The following CYP4F8 variants were observed in gnomAD, a reference collection of about 807,000 sequenced individuals.
CYP4F8 encodes cytochrome P450 family 4 subfamily F member 8, also known as cytochrome P450 4F8.
CYP4F8 carries 56 observed loss-of-function variants against 55.0 expected under a neutral mutation model. That is an observed-to-expected ratio of 1.02 (90% CI 0.82 to 1.27). The LOEUF (loss-of-function observed/expected upper bound fraction) is 1.27. Ranked by LOEUF, CYP4F8 falls within the 50% of genes most tolerant of loss-of-function variation. The pLI, the probability that CYP4F8 is intolerant of heterozygous loss-of-function variation, is 0.00. For missense variants in CYP4F8, 680 were observed against 682.4 expected, an observed-to-expected ratio of 1.00 and a Z score of 0.04; for synonymous variants, 288 against 267.3, an observed-to-expected ratio of 1.08 and a Z score of -0.76.
chr19:15,630,623 A>T lies in CYP4F8; in HGVS notation c.*1265A>T, dbSNP rs1421190487. 1 of 152,142 alleles carries T rather than the reference A, an allele frequency of 6.6e-6. No individual in the cohort carries two copies. The highest frequency in any genetic ancestry group is 1.5e-5 in the Non-Finnish European group (1 of 68,034). The allele number at this position is 152,142 out of a possible 1,614,324, so 9.4% of individuals were successfully genotyped here. On this transcript the variant is annotated 3_prime_UTR_variant, in exon 13 of 13. Transcript: ENST00000612078. ...GCTATTGTGATTAGAGCTGCGATAA[A>T]CATGTGGATGCTTGTGTCTTTTTGG...
chr19:15,629,921 C>A lies in CYP4F8; in HGVS notation c.*563C>A. ...TTTTGAGACATGGTGTCTCTCGTCG[C>A]CCAGGCCGGAGTGCAGTGGCTCACT... On this transcript the variant is annotated 3_prime_UTR_variant, in exon 13 of 13. Transcript: ENST00000612078. 1 of 151,692 alleles carries A rather than the reference C, an allele frequency of 6.6e-6. No individual in the cohort carries two copies. The highest frequency in any genetic ancestry group is 1.5e-5 in the Non-Finnish European group (1 of 68,118). The allele number at this position is 151,692 out of a possible 1,614,324, so 9.4% of individuals were successfully genotyped here. A position where few individuals can be genotyped will look rare whatever the true frequency, so the allele number is the denominator to read the frequency against.
intron 5 of CYP4F8, chr19:15,621,719 C>T (rs1972196358): frequency 6.5e-6 from 1 of 152,806 alleles, no homozygotes; most frequent in African/African-American, 2.4e-5. Context: ...TGTAATATGC[C>T]TATTCCATGG....
intron 9 of CYP4F8, 62 bp downstream of exon 9, chr19:15,624,156 C>T: frequency 6.3e-7 from 1 of 1,589,704 alleles, no homozygotes; most frequent in South Asian, 1.1e-5. Flanking sequence ...GTTGGTTCTT[C>T]TCCCCAGGTG....
In CYP4F8 at chr19:15,618,123, C is replaced by T. The variant is rs373986148; in HGVS notation, c.322C>T (p.Arg108Ter). ...CAACTTGTGCCACCCTGACATCGTC[C>T]GATCTGTCATCAATACCTCAGGTAC... Reference protein sequence around the residue: ...IINLCHPDIVRSVINTSDAIT... With the variant: ...IINLCHPDIV Residue 108 changes from arginine to a stop codon, truncating the protein, a stop_gained, in exon 3 of 13, where the codon CGA becomes TGA. Coordinates refer to ENST00000612078, the MANE Select transcript of CYP4F8 (RefSeq NM_007253.4). LOFTEE classifies it high-confidence loss of function. 20 of 1,613,958 alleles carry T rather than the reference C, an allele frequency of 1.2e-5. No individual in the cohort carries two copies. The African/African-American group carries it at 1.3e-4, about 11-fold the overall frequency.
At chr19:15,626,586 T>C (rs1972264669) in intron 9 of CYP4F8, among the ~76,000 whole-genome samples, 1 of 150,124 alleles carries the variant, frequency 6.7e-6, no homozygotes, top group Admixed American at 6.7e-5. Context: ...ATTCCTAACA[T>C]ATTCAGATAT....
At chr19:15,623,591 T>A in intron 7 of CYP4F8, 108 bp from the exon 8 acceptor site, 1 of 1,357,062 alleles carries the variant, frequency 7.4e-7, no homozygotes, top group Non-Finnish European at 1.0e-6. Context: ...GGGGTAGATC[T>A]GGAGGTGACA....
rs1224554999 is a variant in CYP4F8 at position 15,628,827 on chromosome 19, T to TA, written c.1381_1382insA (p.Phe461TyrfsTer86). The TA allele has an allele frequency of 5.0e-6, 8 of 1,604,240 alleles. No individual in the cohort carries two copies. Among genetic ancestry groups the TA allele is most frequent in the Non-Finnish European group, 6.8e-6 (8 of 1,175,916 alleles). ...GAGGTCACCTATGGCTTTTATTCCTTTCTCGGCGGGGCCCAGGTGAGGCCA... is the reference window on the plus strand; with the variant it reads ...GAGGTCACCTATGGCTTTTATTCCTTATCTCGGCGGGGCCCAGGTGAGGCCA... On this transcript the variant is annotated frameshift_variant, in exon 12 of 13. Coordinates refer to ENST00000612078, the MANE Select transcript of CYP4F8 (RefSeq NM_007253.4). LOFTEE classifies it low-confidence loss of function (END_TRUNC).
chr19:15,622,454 C>A, intron 6 of CYP4F8, 114 bp downstream of exon 6: 1 of 1,383,796 alleles, frequency 7.2e-7, no homozygotes, highest in Non-Finnish European at 9.8e-7. Context: ...GAGAACTAGG[C>A]ATTGAAGGAC....
intron 5 of CYP4F8, 105 bp downstream of exon 5, chr19:15,619,867 C>G: frequency 2.9e-6 from 4 of 1,387,524 alleles, no homozygotes; most frequent in Non-Finnish European, 9.8e-7. Context: ...GGGGCCATTG[C>G]TCTTCCTCTC....
chr19:15,619,760 C>T lies in CYP4F8; in HGVS notation c.523C>T (p.His175Tyr). The change falls in exon 5 of 13, where the codon CAT becomes TAT. Residue 175 changes from histidine (H) to tyrosine (Y), a missense_variant and splice_region_variant. Transcript: ENST00000612078. ...TTTCAGCAAGAGTGCAAACATCATG[C>T]ATGTGAGTGCCTTGAACTCAGCATC... Reference protein sequence around the residue: ...KIFSKSANIMHAKWQRLAMEG... With the variant: ...KIFSKSANIMYAKWQRLAMEG... The T allele has an allele frequency of 3.7e-6, 6 of 1,613,924 alleles. No individual in the cohort carries two copies. The highest frequency in any genetic ancestry group is 5.1e-6 in the Non-Finnish European group (6 of 1,179,860).
At position 15,615,916 on chromosome 19, in the gene CYP4F8, C is replaced by T; in HGVS notation, c.198+102C>T. Reference sequence around the variant, plus strand: ...GGGTCTGGGACGGCAGAGAAACTCACTCATTCCTCTGATCACTCACTCATT... The same window carrying T: ...GGGTCTGGGACGGCAGAGAAACTCATTCATTCCTCTGATCACTCACTCATT... On this transcript the variant is annotated intron_variant, in intron 2 of 12. Transcript: ENST00000612078. 3 of 1,217,552 alleles carry T rather than the reference C, an allele frequency of 2.5e-6. No individual in the cohort carries two copies. In the Admixed American group the frequency reaches 8.4e-5, roughly 34 times the overall value. 75.4% of individuals were successfully genotyped at this position (1,217,552 alleles called of 1,614,324 possible).
rs1391973756 is a variant in CYP4F8 at position 15,615,607 on chromosome 19, G to GC, written c.-1-6dup. 6.2e-7 allele frequency: 1 copy of GC among 1,612,854 alleles called. No individual in the cohort carries two copies. The highest frequency in any genetic ancestry group is 1.1e-5 in the South Asian group (1 of 91,022). ...CAGGACCTCACCCTCCATCCCGTCT[G>GC]CCCTGCAGGATGTCGCTGCTGAGCC... On this transcript the variant is annotated splice_polypyrimidine_tract_variant and intron_variant, in intron 1 of 12. Transcript: ENST00000612078.
rs1287830100 is a variant in CYP4F8, at chr19:15,623,596, G to T, written c.919-103G>T. 4.3e-6 allele frequency: 6 copies of T among 1,387,334 alleles called. No individual in the cohort carries two copies. In the East Asian group the frequency reaches 9.6e-5, roughly 22 times the overall value. 85.9% of individuals were successfully genotyped at this position (1,387,334 alleles called of 1,614,324 possible). A position where few individuals can be genotyped will look rare whatever the true frequency, so the allele number is the denominator to read the frequency against. On this transcript the variant is annotated intron_variant, in intron 7 of 12. Coordinates refer to ENST00000612078, the MANE Select transcript of CYP4F8 (RefSeq NM_007253.4). ...GAAGCATGTGGGGGTAGATCTGGAGGTGACAAGGGAGGGATCCTTCTGGGA... is the reference window on the plus strand; with the variant it reads ...GAAGCATGTGGGGGTAGATCTGGAGTTGACAAGGGAGGGATCCTTCTGGGA...
rs768693886 is a variant in CYP4F8, at chr19:15,628,776, C to T, written c.1330C>T (p.Arg444Cys). Residue 444 changes from arginine (R) to cysteine (C), a missense_variant, in exon 12 of 13, where the codon CGC (arginine) becomes TGC (cysteine). Coordinates refer to ENST00000612078, the MANE Select transcript of CYP4F8 (RefSeq NM_007253.4). Reference protein sequence around the residue: ...WPDPEVYDPFRFDPENAQKRS... With the variant: ...WPDPEVYDPFCFDPENAQKRS... Reference sequence around the variant, plus strand: ...TCCACCCCAGGTCTATGACCCCTTCCGCTTCGACCCAGAAAACGCCCAGAA... The same window carrying T: ...TCCACCCCAGGTCTATGACCCCTTCTGCTTCGACCCAGAAAACGCCCAGAA... 55 of 1,612,274 alleles carry T rather than the reference C, an allele frequency of 3.4e-5. No homozygotes were observed. The highest frequency in any genetic ancestry group is 3.3e-4 in the Middle Eastern group (2 of 6,076).
At position 15,615,692 on chromosome 19, in the gene CYP4F8, G is replaced by A. The variant is rs879518280; in HGVS notation, c.76G>A (p.Gly26Arg). 6.2e-6 allele frequency: 10 copies of A among 1,613,742 alleles called. No individual in the cohort carries two copies. The highest frequency in any genetic ancestry group is 3.3e-5 in the South Asian group (3 of 91,062). The change falls in exon 2 of 13, where the codon GGG becomes AGG. Residue 26 changes from glycine (G) to arginine (R), a missense_variant. Gly to Arg is a moderately radical substitution (Grantham distance 125). Coordinates refer to ENST00000612078, the MANE Select transcript of CYP4F8 (RefSeq NM_007253.4). ...CCCGTGGCTGCTCCTGCTGGTGGTC[G>A]GGGCCTCCTGGCTCCTGGCCCGCAT... ...ASPWLLLLVV[G>R]ASWLLARILA...
intron 12 of CYP4F8, 75 bp from the exon 13 acceptor site, chr19:15,629,118 C>T (rs1972301962): frequency 2.0e-6 from 3 of 1,496,862 alleles, no homozygotes; most frequent in African/African-American, 1.4e-5. Context: ...TTGGGGGTTC[C>T]GGGCCTGGTT....
Position 15,629,551 on chromosome 19 carries a change from T to A in CYP4F8, c.*193T>A, listed in dbSNP as rs1395094106. ...CGGGGAGATGTCTCTGTGCCCAAGA[T>A]ACTCACTGCCTCTCTGGGTGAGCAC... On this transcript the variant is annotated 3_prime_UTR_variant, in exon 13 of 13. Transcript: ENST00000612078. 4.2e-6 allele frequency: 3 copies of A among 719,368 alleles called. No individual in the cohort carries two copies. The African/African-American group carries it at 5.4e-5, about 13-fold the overall frequency. 44.6% of individuals were successfully genotyped at this position (719,368 alleles called of 1,614,324 possible).
At chr19:15,625,897 GT>G (rs1972256318) in intron 9 of CYP4F8, among the ~76,000 whole-genome samples, 1 of 152,106 alleles carries the variant, frequency 6.6e-6, no homozygotes, top group South Asian at 2.1e-4. Flanking sequence ...TGTAAAACTT[GT>G]TGTTGGGGTG....
Position 15,629,500 on chromosome 19 carries a change from G to A in CYP4F8, c.*142G>A, listed in dbSNP as rs1187524298. ...AGTAGGGGGCGCTGGAGGACTGCGG[G>A]GATCTAGGGCCTGGCTGGGAAGAGG... On this transcript the variant is annotated 3_prime_UTR_variant, in exon 13 of 13. Coordinates refer to ENST00000612078, the MANE Select transcript of CYP4F8 (RefSeq NM_007253.4). 2.5e-6 allele frequency: 3 copies of A among 1,204,744 alleles called. No individual in the cohort carries two copies. The allele number at this position is 1,204,744 out of a possible 1,614,324, so 74.6% of individuals were successfully genotyped here.
Sources: allele counts gnomAD v4.1 joint callset (sites outside exome capture counted in the v4.1 genomes callset), GRCh38; gene constraint gnomAD v4.1.1; transcripts MANE v1.5; gene names NCBI Gene and HGNC (gene_info 2026-07-23, HGNC 2026-07-21).